Variants in HSD17B7 observed in about 807,000 individuals in gnomAD.
HSD17B7 encodes the protein 3-keto-steroid reductase/17-beta-hydroxysteroid dehydrogenase 7.
In HSD17B7, 17 loss-of-function variants were observed where a neutral mutation model predicts 34.1. The ratio of observed to expected loss-of-function variants is 0.50; its 90% CI spans 0.34 to 0.75. The LOEUF (loss-of-function observed/expected upper bound fraction) is 0.75, where lower values mean the gene tolerates loss of function less well. Among genes scored for constraint, HSD17B7 ranks in the 30% least tolerant of loss-of-function variants. HSD17B7 has a pLI of 0.01. For missense variants in HSD17B7, 296 were observed against 406.6 expected (o/e 0.73, Z 2.34); for synonymous variants, 122 against 154.6 (o/e 0.79, Z 1.56).
intron 7 of HSD17B7, 36 bp downstream of exon 7, chr1:162,804,359 C>G: frequency 7.8e-7 from 1 of 1,279,590 alleles, no homozygotes; most frequent in East Asian, 2.3e-5. Context: ...TGTATGATGA[C>G]TTAGCAGATG....
intron 2 of HSD17B7, among the ~76,000 whole-genome samples, chr1:162,795,854 GA>G (rs1648588512): frequency 3.4e-5 from 1 of 29,626 alleles, no homozygotes; most frequent in Non-Finnish European, 3.4e-4. Flanking sequence ...GTAAGTCTTA[GA>G]TGAAGAGTCT....
chr1:162,812,551 G>A lies in HSD17B7; in HGVS notation c.*131G>A, dbSNP rs1202219786. 3.6e-5 allele frequency: 29 copies of A among 803,526 alleles called. No individual in the cohort carries two copies. Among genetic ancestry groups the A allele is most frequent in the East Asian group, 3.4e-4 (12 of 35,070 alleles). 49.8% of individuals were successfully genotyped at this position (803,526 alleles called of 1,614,324 possible). A position where few individuals can be genotyped will look rare whatever the true frequency, so the allele number is the denominator to read the frequency against. ...ATAATAGCTGGGTGTGGTGGCATGC[G>A]CATGTAGTCCCAGCTACTCAGAAGG... On this transcript the variant is annotated 3_prime_UTR_variant, in exon 9 of 9. Transcript: ENST00000254521.
chr1:162,808,678 C>G (rs1344612061), intron 8 of HSD17B7, among the ~76,000 whole-genome samples: 1 of 152,114 alleles, frequency 6.6e-6, no homozygotes, highest in Non-Finnish European at 1.5e-5. Flanking sequence ...TGAAGAGGTC[C>G]TTCACATCTC....
chr1:162,802,609 A>AT (rs1396469548), intron 5 of HSD17B7, among the ~76,000 whole-genome samples: 1 of 152,144 alleles, frequency 6.6e-6, no homozygotes, highest in East Asian at 1.9e-4. Context: ...GGCACTTCCT[A>AT]TTTTTTTATT....
rs779739322 is a variant in HSD17B7, at chr1:162,799,927, T to C, written c.632T>C (p.Phe211Ser). The C allele has an allele frequency of 1.9e-6, 3 of 1,614,038 alleles. No individual in the cohort carries two copies. In the South Asian group the frequency reaches 3.3e-5, roughly 18 times the overall value. The change falls in exon 5 of 9, where the codon TTC becomes TCC. Residue 211 changes from phenylalanine to serine, a missense_variant. Physicochemically the swap from Phe to Ser is radical, Grantham distance 155. Transcript: ENST00000254521. ...TTGAGTGTGGCTTTGAACAGGAACT[T>C]CAACCAGCAGGTAAGGCCTGTCTCA... The part of the protein sequence containing the change: ...DLLSVALNRN[F>S]NQQGLYSNVA...
At chr1:162,812,141 T>A (rs1377662594) in intron 8 of HSD17B7, among the ~76,000 whole-genome samples, 157 bp from the exon 9 acceptor site, 1 of 152,368 alleles carries the variant, frequency 6.6e-6, no homozygotes, top group South Asian at 2.1e-4. Context: ...ATTTAGTATG[T>A]CTTCAGGCTC....
At chr1:162,810,780 T>C (rs1330355809) in intron 8 of HSD17B7, among the ~76,000 whole-genome samples, 1 of 152,210 alleles carries the variant, frequency 6.6e-6, no homozygotes, top group Non-Finnish European at 1.5e-5. Context: ...CCCCTGCCTT[T>C]TTTTGTTTTC....
chr1:162,803,811 C>T (rs901632083), intron 6 of HSD17B7, among the ~76,000 whole-genome samples: 1 of 152,196 alleles, frequency 6.6e-6, no homozygotes, highest in African/African-American at 2.4e-5. Flanking sequence ...TTAGAAAACC[C>T]ATGTTGAACA....
intron 3 of HSD17B7, 94 bp downstream of exon 3, chr1:162,796,771 A>C (rs970071048): frequency 2.5e-6 from 2 of 802,784 alleles, no homozygotes; most frequent in Admixed American, 3.6e-5. Context: ...GATGAAAGGT[A>C]AGGGGTTGTT....
chr1:162,808,037 T>C (rs1467102503), intron 8 of HSD17B7, among the ~76,000 whole-genome samples: 2 of 152,326 alleles, frequency 1.3e-5, no homozygotes, highest in Non-Finnish European at 2.9e-5. Flanking sequence ...CATGAAGTCC[T>C]TGCCCATGCC....
intron 8 of HSD17B7, among the ~76,000 whole-genome samples, chr1:162,807,965 A>G (rs1649042182): frequency 1.3e-5 from 2 of 152,036 alleles, no homozygotes. Flanking sequence ...GAAGCTCTTT[A>G]GTTTAATTAG....
intron 6 of HSD17B7, among the ~76,000 whole-genome samples, chr1:162,803,818 A>T (rs1432872862): frequency 1.3e-5 from 2 of 152,204 alleles, no homozygotes; most frequent in Admixed American, 1.3e-4. Context: ...ACCCATGTTG[A>T]ACATTGTTAA....
At chr1:162,795,219 T>C (rs1349931171) in intron 2 of HSD17B7, among the ~76,000 whole-genome samples, 2 of 152,216 alleles carry the variant, frequency 1.3e-5, no homozygotes, top group African/African-American at 2.4e-5. Context: ...TAAAGAGAGC[T>C]TGAGAATCCC....
At chr1:162,796,166 C>A (rs925815779) in intron 2 of HSD17B7, among the ~76,000 whole-genome samples, 6 of 151,932 alleles carry the variant, frequency 3.9e-5, no homozygotes, top group Admixed American at 2.0e-4. Flanking sequence ...TACTTGTCAA[C>A]CAGAGGAGAT....
At chr1:162,795,071 A>G (rs1465777409) in intron 2 of HSD17B7, among the ~76,000 whole-genome samples, 2 of 152,226 alleles carry the variant, frequency 1.3e-5, no homozygotes, top group Non-Finnish European at 2.9e-5. Flanking sequence ...ATTCAAGTTT[A>G]GGAAATGAAT....
At chr1:162,811,133 G>A (rs1649158398) in intron 8 of HSD17B7, among the ~76,000 whole-genome samples, 3 of 149,050 alleles carry the variant, frequency 2.0e-5, no homozygotes, top group Non-Finnish European at 3.0e-5. Flanking sequence ...AGTTCTTGTA[G>A]GGCAGGCCTG....
At chr1:162,793,780 G>A (rs895210190) in intron 2 of HSD17B7, among the ~76,000 whole-genome samples, 1 of 152,214 alleles carries the variant, frequency 6.6e-6, no homozygotes, top group Non-Finnish European at 1.5e-5. Flanking sequence ...AACAAGTGAA[G>A]AAACTGAGAC....
At chr1:162,811,268 A>G (rs1452040287) in intron 8 of HSD17B7, among the ~76,000 whole-genome samples, 6 of 152,222 alleles carry the variant, frequency 3.9e-5, no homozygotes, top group Admixed American at 6.5e-5. Context: ...AGAATGTTGA[A>G]TATCGGCCCC....
chr1:162,809,497 G>T (rs1649102139), intron 8 of HSD17B7, among the ~76,000 whole-genome samples: 1 of 152,126 alleles, frequency 6.6e-6, no homozygotes, highest in Non-Finnish European at 1.5e-5. Flanking sequence ...ATGAGTTGGG[G>T]AGGATTCCCT....
Sources: allele counts gnomAD v4.1 joint callset (sites outside exome capture counted in the v4.1 genomes callset), GRCh38; gene constraint gnomAD v4.1.1; transcripts MANE v1.5; gene names NCBI Gene and HGNC (gene_info 2026-07-23, HGNC 2026-07-21).